ATP6V1D: variants seen among roughly 807,000 people sequenced by gnomAD.
The protein encoded by ATP6V1D is V-type proton ATPase subunit D.
ATP6V1D carries 20 observed loss-of-function variants against 39.4 expected under a neutral mutation model. The ratio of observed to expected loss-of-function variants is 0.51; its 90% CI spans 0.36 to 0.74. ATP6V1D has a LOEUF of 0.74. ATP6V1D is among the 30% of genes least tolerant of loss of function. ATP6V1D has a pLI of 0.00. For synonymous variants in ATP6V1D, 100 were observed against 100.5 expected (o/e 0.99, Z 0.03); for missense variants, 228 against 291.6 (o/e 0.78, Z 1.59).
At chr14:67,349,439 C>T (rs995928822) in intron 3 of ATP6V1D, among the ~76,000 whole-genome samples, 1 of 152,200 alleles carries the variant, frequency 6.6e-6, no homozygotes, top group Admixed American at 6.5e-5. Flanking sequence ...GAGAAAACTC[C>T]TTTCTAGGTT....
At chr14:67,339,083 C>CA (rs2085560447) in intron 8 of ATP6V1D, among the ~76,000 whole-genome samples, 2 of 151,086 alleles carry the variant, frequency 1.3e-5, no homozygotes, top group Non-Finnish European at 2.9e-5. Context: ...CTACAACCTC[C>CA]ACCTTTGCGT....
At chr14:67,351,703 T>G (rs1193610944) in intron 2 of ATP6V1D, among the ~76,000 whole-genome samples, 6 of 151,940 alleles carry the variant, frequency 3.9e-5, no homozygotes, top group African/African-American at 7.3e-5. Context: ...TTCTTTTTTG[T>G]AGAGACAAGG....
intron 2 of ATP6V1D, among the ~76,000 whole-genome samples, chr14:67,351,511 A>T (rs67968914): frequency 0.19 from 28,822 of 152,114 alleles, 4,366 homozygotes; most frequent in East Asian, 0.48. Flanking sequence ...TTAACTTTTT[A>T]TTATTTTTAT....
intron 1 of ATP6V1D, among the ~76,000 whole-genome samples, chr14:67,355,759 G>C (rs1392688588): frequency 6.6e-6 from 1 of 151,992 alleles, no homozygotes; most frequent in African/African-American, 2.4e-5. Context: ...TCAGCACTTT[G>C]GGAGGCTAAG....
intron 4 of ATP6V1D, among the ~76,000 whole-genome samples, chr14:67,347,872 G>A (rs1385340328): frequency 6.6e-6 from 1 of 151,556 alleles, no homozygotes; most frequent in East Asian, 1.9e-4. Flanking sequence ...GCTTAAGTAT[G>A]GAATTGTAAT....
chr14:67,342,034 G>A (rs2085588358), intron 7 of ATP6V1D, among the ~76,000 whole-genome samples: 2 of 151,898 alleles, frequency 1.3e-5, no homozygotes, highest in African/African-American at 4.8e-5. Context: ...AGTACCCACG[G>A]ACACAAACAC....
intron 4 of ATP6V1D, 118 bp from the exon 5 acceptor site, chr14:67,347,571 G>A (rs555821502): frequency 2.4e-5 from 19 of 803,708 alleles, no homozygotes; most frequent in Admixed American, 5.3e-5. Context: ...GCGTGATCTC[G>A]CCTCACCGCA....
chr14:67,354,449 CTT>C (rs2085673170), intron 1 of ATP6V1D, among the ~76,000 whole-genome samples: 1 of 152,284 alleles, frequency 6.6e-6, no homozygotes, highest in South Asian at 2.1e-4. Context: ...AACAATTCCA[CTT>C]TGCGGAATTT....
At chr14:67,340,382 T>C in intron 8 of ATP6V1D, 58 bp downstream of exon 8, 1 of 1,445,704 alleles carries the variant, frequency 6.9e-7, no homozygotes, top group Non-Finnish European at 9.7e-7. Context: ...ATTCAGCAAA[T>C]ACAGCCTTTG....
intron 5 of ATP6V1D, among the ~76,000 whole-genome samples, chr14:67,347,047 C>A (rs553614769): frequency 1.3e-5 from 2 of 152,024 alleles, no homozygotes; most frequent in Non-Finnish European, 2.9e-5. Context: ...AGTGCAGTGG[C>A]GTGATCAGAA....
chr14:67,354,839 G>A (rs2085675162), intron 1 of ATP6V1D, among the ~76,000 whole-genome samples: 1 of 152,088 alleles, frequency 6.6e-6, no homozygotes, highest in African/African-American at 2.4e-5. Flanking sequence ...TTGAGGTGAA[G>A]TTTCACTCTT....
At chr14:67,340,820 C>G (rs930959482) in intron 7 of ATP6V1D, among the ~76,000 whole-genome samples, 19 of 152,136 alleles carry the variant, frequency 1.2e-4, no homozygotes, top group African/African-American at 4.6e-4. Flanking sequence ...ATTGCAGGCG[C>G]GTGCCGCCAC....
intron 2 of ATP6V1D, among the ~76,000 whole-genome samples, chr14:67,351,034 G>A (rs2085651275): frequency 6.6e-6 from 1 of 152,152 alleles, no homozygotes; most frequent in Non-Finnish European, 1.5e-5. Context: ...CCCTAATGGT[G>A]TATTAATTTT....
At chr14:67,345,268 AAGT>A (rs2141098464) in intron 6 of ATP6V1D, among the ~76,000 whole-genome samples, 1 of 150,970 alleles carries the variant, frequency 6.6e-6, no homozygotes, top group South Asian at 2.1e-4. Context: ...TTTAAATTAA[AAGT>A]AGGGGCCAGG....
At chr14:67,358,988 A>G (rs1433197733) in intron 1 of ATP6V1D, among the ~76,000 whole-genome samples, 2 of 152,202 alleles carry the variant, frequency 1.3e-5, no homozygotes, top group African/African-American at 2.4e-5. Flanking sequence ...AGAGAAAGAC[A>G]CATAAACAAA....
Position 67,347,286 on chromosome 14 carries a change from A to G in ATP6V1D, c.352+123T>C, listed in dbSNP as rs188283163. ...TCAACTATTGTCCTGACTATATCAA[A>G]TAAGAGGATTTCTAACTCAGGAACC... is the stretch of plus-strand genomic sequence containing the variant. On this transcript the variant is annotated intron_variant, in intron 5 of 8. Transcript: ENST00000216442. 109 of 764,318 alleles carry G rather than the reference A, an allele frequency of 1.4e-4. No individual in the cohort carries two copies. In the Admixed American group the frequency reaches 2.7e-3, roughly 19 times the overall value. The allele number at this position is 764,318 out of a possible 1,614,324, so 47.3% of individuals were successfully genotyped here. A position where few individuals can be genotyped will look rare whatever the true frequency, so the allele number is the denominator to read the frequency against.
chr14:67,338,663 A>T lies in ATP6V1D; in HGVS notation c.702T>A (p.Asn234Lys). Residue 234 changes from asparagine (N) to lysine (K), a missense_variant, in exon 9 of 9, where the codon AAT (asparagine) becomes AAA (lysine). Asn to Lys is a moderately conservative substitution (Grantham distance 94, BLOSUM62 0). Transcript: ENST00000216442. ...RAAGEVLEPA[N>K]LLAEEKDEDL... ...CCTCGTCCTTCTCTTCAGCCAGAAG[A>T]TTAGCAGGCTCCAACACCTCTCCAG... The T allele has an allele frequency of 6.2e-7, 1 of 1,614,176 alleles. No individual in the cohort carries two copies. Among genetic ancestry groups the T allele is most frequent in the Non-Finnish European group, 8.5e-7 (1 of 1,179,998 alleles).
chr14:67,359,223 C>T (rs2085709529), intron 1 of ATP6V1D, among the ~76,000 whole-genome samples: 1 of 152,172 alleles, frequency 6.6e-6, no homozygotes, highest in Non-Finnish European at 1.5e-5. Context: ...CTTCTATATC[C>T]TCAGTAAACT....
chr14:67,358,984 A>G (rs2085706484), intron 1 of ATP6V1D, among the ~76,000 whole-genome samples: 1 of 152,212 alleles, frequency 6.6e-6, no homozygotes, highest in East Asian at 1.9e-4. Context: ...TGGGAGAGAA[A>G]GACACATAAA....
Sources: gnomAD v4.1 joint callset for allele counts (sites outside exome capture counted in the v4.1 genomes callset) on GRCh38, gnomAD v4.1.1 for gene constraint, MANE v1.5 for transcripts, NCBI Gene and HGNC (gene_info 2026-07-23, HGNC 2026-07-21) for gene names.